The following ZNF578 variants were observed in gnomAD, a reference collection of about 807,000 sequenced individuals.
ZNF578 encodes zinc finger protein 578, also known as Putative chemokine-related protein B42.
In ZNF578, 8 loss-of-function variants were observed where a neutral mutation model predicts 8.3. The observed-to-expected ratio is 0.96, with a 90% CI of 0.56 to 1.74. ZNF578 has a LOEUF of 1.74. Ranked by LOEUF, ZNF578 falls within the 40% of genes most tolerant of loss-of-function variation. ZNF578 has a pLI of 0.00. For synonymous variants in ZNF578, 206 were observed against 232.2 expected, an observed-to-expected ratio of 0.89 and a Z score of 1.03; for missense variants, 726 against 707.5, an observed-to-expected ratio of 1.03 and a Z score of -0.30.
At chr19:52,459,602 A>C (rs1208889679) in intron 2 of ZNF578, among the ~76,000 whole-genome samples, 1 of 117,974 alleles carries the variant, frequency 8.5e-6, no homozygotes, top group East Asian at 2.5e-4. Context: ...TCAAGTCTTT[A>C]ATGTGTATGT....
chr19:52,493,164 G>C (rs1376034718), intron 3 of ZNF578, among the ~76,000 whole-genome samples: 1 of 152,064 alleles, frequency 6.6e-6, no homozygotes, highest in Non-Finnish European at 1.5e-5. Flanking sequence ...GTCCTCACCC[G>C]CGAGGTGGAT....
intron 2 of ZNF578, among the ~76,000 whole-genome samples, chr19:52,475,686 CTGT>C (rs773819078): frequency 1.2e-4 from 18 of 152,138 alleles, no homozygotes; most frequent in Non-Finnish European, 2.2e-4. Flanking sequence ...CCCCTAATAG[CTGT>C]TGAAAATAAT....
chr19:52,472,675 G>A (rs1465737872), intron 2 of ZNF578, among the ~76,000 whole-genome samples: 1 of 152,116 alleles, frequency 6.6e-6, no homozygotes, highest in East Asian at 1.9e-4. Flanking sequence ...GAGCATAGAA[G>A]CACTAAGCCA....
Position 52,512,342 on chromosome 19 carries a change from A to G in ZNF578, c.*188A>G, listed in dbSNP as rs2059452430. ...GCCATTCATGGTGTAGGGAAACTTG[A>G]CTAATGTAATGATTGTCACAAAGTC... On this transcript the variant is annotated 3_prime_UTR_variant, in exon 6 of 6. Transcript: ENST00000421239. The G allele has an allele frequency of 1.3e-6, 2 of 1,525,890 alleles. No individual in the cohort carries two copies. Among genetic ancestry groups the G allele is most frequent in the South Asian group, 2.2e-5 (2 of 89,050 alleles). The allele number at this position is 1,525,890 out of a possible 1,614,324, so 94.5% of individuals were successfully genotyped here.
At chr19:52,481,515 C>T (rs961878605) in intron 2 of ZNF578, among the ~76,000 whole-genome samples, 1 of 152,162 alleles carries the variant, frequency 6.6e-6, no homozygotes, top group Admixed American at 6.5e-5. Context: ...TCAAATTATA[C>T]ATATGAGATT....
At position 52,512,611 on chromosome 19, in the gene ZNF578, T is replaced by G. The variant is rs172956; in HGVS notation, c.*457T>G. 0.62 allele frequency among the ~76,000 whole-genome samples: 94,878 copies of G among 151,990 alleles called. 30,308 individuals carry two copies. Among genetic ancestry groups the G allele is most frequent in the African/African-American group, 0.75 (31,277 of 41,480 alleles). On this transcript the variant is annotated 3_prime_UTR_variant, in exon 6 of 6. Coordinates refer to ENST00000421239, the MANE Select transcript of ZNF578 (RefSeq NM_001099694.2). The stretch of plus-strand genomic sequence containing the variant: ...GAAATGTCACAAGTGTGATGAGTGT[T>G]GCAAAGCCTTTACTTCATGTTCACA...
rs139464167 is a variant in ZNF578, at chr19:52,469,312, C to T, written c.-122+12354C>T. 8.2e-3 allele frequency among the ~76,000 whole-genome samples: 1,248 copies of T among 152,044 alleles called. 21 individuals carry two copies. Among genetic ancestry groups the T allele is most frequent in the African/African-American group, 0.029 (1,191 of 41,470 alleles). On this transcript the variant is annotated intron_variant, in intron 2 of 5. Coordinates refer to ENST00000421239, the MANE Select transcript of ZNF578 (RefSeq NM_001099694.2). ...GGCAGCTGGGACTACAGGTGTGCAC[C>T]ACCATACCTGGCTAATTTTTGCATT... is the stretch of plus-strand genomic sequence containing the variant.
At chr19:52,472,258 C>T (rs2059294313) in intron 2 of ZNF578, among the ~76,000 whole-genome samples, 1 of 152,138 alleles carries the variant, frequency 6.6e-6, no homozygotes, top group Non-Finnish European at 1.5e-5. Context: ...AAGTATCTTC[C>T]TGTGGTGGGA....
chr19:52,509,759 C>A (rs541919792), intron 5 of ZNF578, among the ~76,000 whole-genome samples: 24 of 152,002 alleles, frequency 1.6e-4, no homozygotes, highest in African/African-American at 5.3e-4. Flanking sequence ...AAGACTGTCT[C>A]AAAAAAATAA....
Position 52,514,167 on chromosome 19 carries a change from GTT to G in ZNF578, c.*2016_*2017del, listed in dbSNP as rs1179525097. ...CAGATTGAGTTTGAGATATATCTTA[GTT>G]TTAATAGTTTTATTTCTTAACACAT... On this transcript the variant is annotated 3_prime_UTR_variant, in exon 6 of 6. Transcript: ENST00000421239. Among the ~76,000 whole-genome samples the G allele has an allele frequency of 6.6e-6, 1 of 151,706 alleles. No individual in the cohort carries two copies. The highest frequency in any genetic ancestry group is 1.5e-5 in the Non-Finnish European group (1 of 67,982).
At chr19:52,479,816 A>C (rs1227748225) in intron 2 of ZNF578, among the ~76,000 whole-genome samples, 2 of 152,226 alleles carry the variant, frequency 1.3e-5, no homozygotes, top group Non-Finnish European at 2.9e-5. Flanking sequence ...AAATGTGAAA[A>C]TATTTTTTCC....
intron 2 of ZNF578, among the ~76,000 whole-genome samples, chr19:52,485,312 G>A (rs2059341113): frequency 6.6e-6 from 1 of 152,226 alleles, no homozygotes; most frequent in Non-Finnish European, 1.5e-5. Flanking sequence ...TCTGAGTGGA[G>A]CTCAACCCTG....
chr19:52,482,326 G>A (rs1051765262), intron 2 of ZNF578, among the ~76,000 whole-genome samples: 7 of 149,094 alleles, frequency 4.7e-5, no homozygotes, highest in East Asian at 2.2e-4. Flanking sequence ...AAGCCACCAC[G>A]CCCAGCCCAT....
intron 2 of ZNF578, among the ~76,000 whole-genome samples, chr19:52,476,603 T>A (rs758865182): frequency 3.0e-4 from 46 of 152,228 alleles, no homozygotes; most frequent in Non-Finnish European, 5.9e-4. Context: ...TATCAAATTT[T>A]CACTTGTAAG....
At chr19:52,474,482 C>T (rs764217922) in intron 2 of ZNF578, 3 of 320,102 alleles carry the variant, frequency 9.4e-6, no homozygotes, top group Non-Finnish European at 1.9e-5. Context: ...TAAGGCTTCT[C>T]TCCAGTATGA....
At chr19:52,507,141 A>G (rs765166321) in intron 5 of ZNF578, among the ~76,000 whole-genome samples, 21 of 152,290 alleles carry the variant, frequency 1.4e-4, no homozygotes, top group Non-Finnish European at 2.8e-4. Context: ...TAATCCCAAT[A>G]TTTTGGGAGG....
chr19:52,511,069 T>C lies in ZNF578; in HGVS notation c.688T>C (p.Ser230Pro), dbSNP rs1171344935. ...ACAGGAAGTACACATGAGAGAAAAA[T>C]CTTTCCAATGTAATGAGACTGGCGA... The part of the protein sequence containing the change: ...QKQEVHMREK[S>P]FQCNETGEAF... The change falls in exon 6 of 6, where the codon TCT (serine) becomes CCT (proline). Residue 230 changes from serine (S) to proline (P), a missense_variant. By Grantham distance (74) the Ser-to-Pro change is moderately conservative. Coordinates refer to ENST00000421239, the MANE Select transcript of ZNF578 (RefSeq NM_001099694.2). 6.2e-7 allele frequency: 1 copy of C among 1,614,074 alleles called. No individual in the cohort carries two copies. The highest frequency in any genetic ancestry group is 8.5e-7 in the Non-Finnish European group (1 of 1,180,040).
intron 2 of ZNF578, chr19:52,458,570 T>C (rs1174840282): frequency 6.6e-6 from 1 of 150,662 alleles, no homozygotes; most frequent in Non-Finnish European, 1.5e-5. Context: ...TGGGGACATG[T>C]ATATACAAAA....
rs72019256 is a variant in ZNF578 at position 52,498,684 on chromosome 19, C to CTTTTTTTTTTTTTTTT, written c.-19-3141_-19-3126dup. On this transcript the variant is annotated intron_variant, in intron 3 of 5. Coordinates refer to ENST00000421239, the MANE Select transcript of ZNF578 (RefSeq NM_001099694.2). ...AGGAATGAGCCACCTCGCCTGGCCG[C>CTTTTTTTTTTTTTTTT]TTTTTTTTTTTTTTTTTGTAAGACA... is the stretch of plus-strand genomic sequence containing the variant. 2.5e-4 allele frequency among the ~76,000 whole-genome samples: 27 copies of CTTTTTTTTTTTTTTTT among 106,814 alleles called. 2 individuals carry two copies. Among genetic ancestry groups the CTTTTTTTTTTTTTTTT allele is most frequent in the African/African-American group, 5.7e-4 (14 of 24,598 alleles). The allele number at this position is 106,814 out of a possible 152,430, so 70.1% of individuals were successfully genotyped here. A position where few individuals can be genotyped will look rare whatever the true frequency, so the allele number is the denominator to read the frequency against.
Sources: allele counts gnomAD v4.1 joint callset (sites outside exome capture counted in the v4.1 genomes callset), GRCh38; gene constraint gnomAD v4.1.1; transcripts MANE v1.5; gene names NCBI Gene and HGNC (gene_info 2026-07-23, HGNC 2026-07-21).